NOP9: variants seen among roughly 807,000 people sequenced by gnomAD.
NOP9 encodes NOP9 nucleolar protein, also known as nucleolar protein 9.
A neutral mutation model predicts 63.0 loss-of-function variants in NOP9; 50 were observed. The observed-to-expected ratio is 0.79, with a 90% CI of 0.63 to 1.00. NOP9 has a LOEUF of 1.00. Among genes scored for constraint, NOP9 ranks in the 50% least tolerant of loss-of-function variants. The probability of loss-of-function intolerance (pLI) is 0.00; values close to 1 mark genes in which losing one functional copy is unlikely to be tolerated. For synonymous variants in NOP9, 343 were observed against 332.8 expected (o/e 1.03, Z -0.33); for missense variants, 758 against 803.0 (o/e 0.94, Z 0.68).
chr14:24,282,186 C>T, the NOP9 span, among the ~76,000 whole-genome samples: 2 of 152,178 alleles, frequency 1.3e-5, no homozygotes, highest in Admixed American at 1.3e-4. Context: ...GACTCTGTCT[C>T]AAAAACCAAA....
At chr14:24,278,097 C>T in the NOP9 span, among the ~76,000 whole-genome samples, 6 of 152,156 alleles carry the variant, frequency 3.9e-5, no homozygotes, top group African/African-American at 1.4e-4. Flanking sequence ...CTTTATAACT[C>T]TGACCATCGC....
the NOP9 span, chr14:24,291,248 C>A: frequency 3.1e-6 from 5 of 1,609,556 alleles, 1 homozygote; most frequent in South Asian, 3.3e-5. Flanking sequence ...GTGGAGATGG[C>A]AGGCAGGGGA....
At position 24,301,599 on chromosome 14, in the gene NOP9, A is replaced by C. The variant is rs750470503; in HGVS notation, c.698-13A>C. 57 of 1,613,970 alleles carry C rather than the reference A, an allele frequency of 3.5e-5. No individual in the cohort carries two copies. The highest frequency in any genetic ancestry group is 8.3e-5 in the Admixed American group (5 of 59,994). On this transcript the variant is annotated splice_polypyrimidine_tract_variant and intron_variant, in intron 2 of 9. Coordinates refer to ENST00000267425, the MANE Select transcript of NOP9 (RefSeq NM_174913.3). ...TGATCTCCCCACTGCACATGTTCTT[A>C]ATCTTCCTTCAGAAGCACAGAAGAC...
the NOP9 span, among the ~76,000 whole-genome samples, chr14:24,273,836 G>A: frequency 6.6e-6 from 1 of 152,198 alleles, no homozygotes; most frequent in Non-Finnish European, 1.5e-5. Context: ...CCTGGGGCAA[G>A]TTACTTAACT....
upstream of NOP9, chr14:24,296,416 G>GGGCGCGGTGGCTCA (rs2041247966): frequency 8.2e-7 from 1 of 1,225,550 alleles, no homozygotes; most frequent in Non-Finnish European, 1.2e-6. Flanking sequence ...GGGGGAGGCC[G>GGGCGCGGTGGCTCA]GAGGGAAAAG....
the NOP9 span, chr14:24,291,429 C>T: frequency 4.3e-6 from 5 of 1,158,666 alleles, no homozygotes; most frequent in African/African-American, 1.5e-5. Flanking sequence ...ACCCCTTGGG[C>T]CTCAAAAAGC....
upstream of NOP9, among the ~76,000 whole-genome samples, chr14:24,297,330 C>T (rs1052606957): frequency 5.3e-5 from 8 of 152,208 alleles, no homozygotes; most frequent in Non-Finnish European, 8.8e-5. Flanking sequence ...TCCACCAATG[C>T]TCCTGGTTGG....
the NOP9 span, among the ~76,000 whole-genome samples, chr14:24,288,909 G>A: frequency 2.6e-5 from 4 of 151,752 alleles, no homozygotes; most frequent in Admixed American, 6.6e-5. Flanking sequence ...GCGTGATCAC[G>A]CTCACCAAGT....
the NOP9 span, among the ~76,000 whole-genome samples, chr14:24,283,052 G>GA: frequency 6.6e-6 from 1 of 152,222 alleles, no homozygotes; most frequent in Non-Finnish European, 1.5e-5. Context: ...TCTGAACTAA[G>GA]AGACTTGACC....
chr14:24,281,614 G>T, the NOP9 span, among the ~76,000 whole-genome samples: 1 of 152,202 alleles, frequency 6.6e-6, no homozygotes, highest in Non-Finnish European at 1.5e-5. Context: ...TTCCCTGGAA[G>T]CGGGCAAAGC....
upstream of NOP9, chr14:24,298,736 T>C: frequency 1.9e-6 from 1 of 538,020 alleles, no homozygotes; most frequent in Non-Finnish European, 3.2e-6. Flanking sequence ...CGTGCCACCA[T>C]GCCTGGCTCA....
chr14:24,284,688 C>A, the NOP9 span, among the ~76,000 whole-genome samples: 8 of 152,100 alleles, frequency 5.3e-5, no homozygotes, highest in Non-Finnish European at 8.8e-5. Context: ...GATGCTTCAG[C>A]GACAGTGCCA....
Position 24,304,609 on chromosome 14 carries a change from G to T in NOP9, c.1753+11G>T, listed in dbSNP as rs762353749. The T allele has an allele frequency of 7.6e-6, 12 of 1,579,442 alleles. No homozygotes were observed. In the East Asian group the frequency reaches 2.5e-4, roughly 32 times the overall value. On this transcript the variant is annotated intron_variant, in intron 9 of 9. Coordinates refer to ENST00000267425, the MANE Select transcript of NOP9 (RefSeq NM_174913.3). ...TTGCTGCTGAGCTTGGTGAGTACCAGCCCCTCTCTTTGATGTTTCCAGACT... is the reference window on the plus strand; with the variant it reads ...TTGCTGCTGAGCTTGGTGAGTACCATCCCCTCTCTTTGATGTTTCCAGACT...
the NOP9 span, among the ~76,000 whole-genome samples, chr14:24,280,870 G>A: frequency 6.6e-6 from 1 of 152,224 alleles, no homozygotes; most frequent in Admixed American, 6.5e-5. Flanking sequence ...GGAGGAGTTG[G>A]GGATCTTAGA....
At chr14:24,299,069 G>A (rs778981660), upstream of NOP9, 9 of 1,614,022 alleles carry the variant, frequency 5.6e-6, no homozygotes, top group South Asian at 8.8e-5. Flanking sequence ...GGAGGCACCA[G>A]TCACCACACA....
the NOP9 span, among the ~76,000 whole-genome samples, chr14:24,285,244 C>T: frequency 1.3e-5 from 2 of 152,194 alleles, no homozygotes; most frequent in African/African-American, 4.8e-5. Context: ...CTGGGCCAGG[C>T]CGCTCAGGCT....
the NOP9 span, among the ~76,000 whole-genome samples, chr14:24,288,460 C>T: frequency 2.0e-5 from 3 of 152,114 alleles, no homozygotes; most frequent in Non-Finnish European, 4.4e-5. Flanking sequence ...AGCGATTCTC[C>T]TGCCTCAGCC....
At position 24,307,473 on chromosome 14, in the gene NOP9, C is replaced by T. The variant is rs1385944592; in HGVS notation, c.*2378C>T. On this transcript the variant is annotated 3_prime_UTR_variant, in exon 10 of 10. Coordinates refer to ENST00000267425, the MANE Select transcript of NOP9 (RefSeq NM_174913.3). The stretch of plus-strand genomic sequence containing the variant: ...GTCGCTGGGGTGGTGGAGCTGAGGT[C>T]CAGACCCTCCGTCCAAACTCCGAGC... 1 of 1,614,052 alleles carries T rather than the reference C, an allele frequency of 6.2e-7. No individual in the cohort carries two copies. The highest frequency in any genetic ancestry group is 2.2e-5 in the East Asian group (1 of 44,874).
Position 24,305,462 on chromosome 14 carries a change from G to T in NOP9, c.*367G>T. 1.3e-6 allele frequency: 1 copy of T among 761,566 alleles called. No homozygotes were observed. The highest frequency in any genetic ancestry group is 2.1e-6 in the Non-Finnish European group (1 of 482,986). 47.2% of individuals were successfully genotyped at this position (761,566 alleles called of 1,614,324 possible). On this transcript the variant is annotated 3_prime_UTR_variant, in exon 10 of 10. Coordinates refer to ENST00000267425, the MANE Select transcript of NOP9 (RefSeq NM_174913.3). ...ATTCTTCAGGTAAGGGTATAGACTTGGGATGTGAGGCGTTATGCTGAAAGG... is the reference window on the plus strand; with the variant it reads ...ATTCTTCAGGTAAGGGTATAGACTTTGGATGTGAGGCGTTATGCTGAAAGG...
Sources: allele counts gnomAD v4.1 joint callset (sites outside exome capture counted in the v4.1 genomes callset), GRCh38; gene constraint gnomAD v4.1.1; transcripts MANE v1.5; gene names NCBI Gene and HGNC (gene_info 2026-07-23, HGNC 2026-07-21).